Variants in KCNMB2 observed in about 807,000 individuals in gnomAD.
The protein encoded by KCNMB2 is potassium calcium-activated channel subfamily M regulatory beta subunit 2.
A neutral mutation model predicts 24.5 loss-of-function variants in KCNMB2; 9 were observed. The observed-to-expected ratio is 0.37, with a 90% CI of 0.22 to 0.64. The LOEUF is 0.64. KCNMB2 is among the 30% of genes least tolerant of loss of function. The pLI is 0.63. For synonymous variants in KCNMB2, 109 were observed against 104.4 expected, an observed-to-expected ratio of 1.04 and a Z score of -0.27; for missense variants, 226 against 284.3, an observed-to-expected ratio of 0.79 and a Z score of 1.47.
At chr3:178,821,108 C>T (rs1242319077) in intron 2 of KCNMB2, among the ~76,000 whole-genome samples, 2 of 152,216 alleles carry the variant, frequency 1.3e-5, no homozygotes, top group African/African-American at 2.4e-5. Context: ...GAGCTCTCCA[C>T]ATCAGTGAAT....
chr3:178,671,005 G>A (rs113528160), intron 1 of KCNMB2, among the ~76,000 whole-genome samples: 1 of 152,112 alleles, frequency 6.6e-6, no homozygotes, highest in African/African-American at 2.4e-5. Flanking sequence ...AATACAACTG[G>A]TTCTAGAATA....
intron 1 of KCNMB2, among the ~76,000 whole-genome samples, chr3:178,572,215 T>C (rs1233831426): frequency 6.6e-6 from 1 of 152,120 alleles, no homozygotes; most frequent in African/African-American, 2.4e-5. Flanking sequence ...GACAGTTTAG[T>C]ATAGAGAGAA....
At chr3:178,544,269 T>C (rs555829600) in intron 1 of KCNMB2, among the ~76,000 whole-genome samples, 1 of 152,306 alleles carries the variant, frequency 6.6e-6, no homozygotes, top group South Asian at 2.1e-4. Context: ...CTCATTCACC[T>C]GTCCTCTCAC....
chr3:178,640,734 T>C (rs552056026), intron 1 of KCNMB2, among the ~76,000 whole-genome samples: 3 of 152,312 alleles, frequency 2.0e-5, no homozygotes, highest in African/African-American at 7.2e-5. Context: ...CTCTCATAGA[T>C]TGTGCTTTGG....
chr3:178,579,377 G>C (rs533361699), intron 1 of KCNMB2, among the ~76,000 whole-genome samples: 161 of 152,256 alleles, frequency 1.1e-3, no homozygotes, highest in Admixed American at 1.8e-3. Context: ...GCAGTGTTTA[G>C]AGGGAAATTT....
intron 1 of KCNMB2, among the ~76,000 whole-genome samples, chr3:178,549,313 T>C (rs1440954527): frequency 1.3e-5 from 2 of 149,648 alleles, no homozygotes; most frequent in Non-Finnish European, 3.0e-5. Flanking sequence ...TATTTTCTTT[T>C]TTTTTTTTTT....
At chr3:178,652,410 T>C (rs1233956992) in intron 1 of KCNMB2, among the ~76,000 whole-genome samples, 1 of 151,886 alleles carries the variant, frequency 6.6e-6, no homozygotes, top group Non-Finnish European at 1.5e-5. Flanking sequence ...GGCATGTGTA[T>C]ACCTATGTAA....
At chr3:178,839,791 G>A (rs1270521998) in intron 4 of KCNMB2, among the ~76,000 whole-genome samples, 1 of 152,134 alleles carries the variant, frequency 6.6e-6, no homozygotes, top group Non-Finnish European at 1.5e-5. Context: ...CCTCCCACCA[G>A]GTCCTTCCCT....
chr3:178,613,480 A>G (rs1718568963), intron 1 of KCNMB2, among the ~76,000 whole-genome samples: 1 of 152,104 alleles, frequency 6.6e-6, no homozygotes, highest in Non-Finnish European at 1.5e-5. Context: ...TTTATTTCTG[A>G]TTGAAGTATT....
At chr3:178,812,313 TG>T (rs1367946000) in intron 2 of KCNMB2, among the ~76,000 whole-genome samples, 1 of 151,760 alleles carries the variant, frequency 6.6e-6, no homozygotes, top group Non-Finnish European at 1.5e-5. Flanking sequence ...TGTATACAGG[TG>T]CCATGATGGT....
chr3:178,841,158 A>G (rs1037671727), intron 4 of KCNMB2, among the ~76,000 whole-genome samples: 2 of 152,210 alleles, frequency 1.3e-5, no homozygotes, highest in African/African-American at 4.8e-5. Flanking sequence ...TATGGCAGGG[A>G]CAAAATGCTG....
intron 1 of KCNMB2, among the ~76,000 whole-genome samples, chr3:178,807,047 G>C (rs758792431): frequency 6.6e-6 from 1 of 152,162 alleles, no homozygotes; most frequent in African/African-American, 2.4e-5. Context: ...TTTTGAAGGA[G>C]ATACTTTTGG....
At position 178,802,926 on chromosome 3, in the gene KCNMB2, G is replaced by A. The variant is rs1025376799; in HGVS notation, c.-67-4417G>A. On this transcript the variant is annotated intron_variant, in intron 1 of 4. Coordinates refer to ENST00000452583, the MANE Select transcript of KCNMB2 (RefSeq NM_181361.3). ...TGTACAAGTACAAAGTGACTTAATC[G>A]AATTTTTTTACAAAAAGAGAAAATT... is the stretch of plus-strand genomic sequence containing the variant. Among the ~76,000 whole-genome samples the A allele has an allele frequency of 3.9e-5, 6 of 152,120 alleles. No homozygotes were observed. In the South Asian group the frequency reaches 6.2e-4, roughly 16 times the overall value.
intron 1 of KCNMB2, among the ~76,000 whole-genome samples, chr3:178,643,703 C>A (rs1427749911): frequency 6.6e-6 from 1 of 152,144 alleles, no homozygotes; most frequent in Non-Finnish European, 1.5e-5. Context: ...CATAGAAATG[C>A]CCCAAATTTC....
chr3:178,735,230 C>A (rs552023658), intron 1 of KCNMB2, among the ~76,000 whole-genome samples: 1 of 152,354 alleles, frequency 6.6e-6, no homozygotes, highest in South Asian at 2.1e-4. Context: ...TGGGCAGCAT[C>A]CAGTCTGCCA....
chr3:178,644,596 T>C (rs1176081490), intron 1 of KCNMB2, among the ~76,000 whole-genome samples: 1 of 152,220 alleles, frequency 6.6e-6, no homozygotes, highest in Non-Finnish European at 1.5e-5. Context: ...TAAGCTCCAA[T>C]GTGTTCACAG....
intron 1 of KCNMB2, among the ~76,000 whole-genome samples, chr3:178,660,298 C>T (rs928399767): frequency 1.3e-5 from 2 of 152,186 alleles, no homozygotes; most frequent in African/African-American, 4.8e-5. Flanking sequence ...AGGCATTCAA[C>T]TGAAAATAGT....
intron 2 of KCNMB2, among the ~76,000 whole-genome samples, chr3:178,808,514 T>A (rs189674064): frequency 6.6e-6 from 1 of 152,302 alleles, no homozygotes; most frequent in East Asian, 1.9e-4. Flanking sequence ...CTGAATACTG[T>A]TTTCAGAGCT....
intron 4 of KCNMB2, among the ~76,000 whole-genome samples, chr3:178,828,934 T>C (rs1201505939): frequency 4.0e-5 from 2 of 49,862 alleles, no homozygotes; most frequent in East Asian, 4.5e-4. Context: ...ACTGTGTGTG[T>C]GTGTGTGTGT....
Sources: allele counts gnomAD v4.1 joint callset (sites outside exome capture counted in the v4.1 genomes callset), GRCh38; gene constraint gnomAD v4.1.1; transcripts MANE v1.5; gene names NCBI Gene and HGNC (gene_info 2026-07-23, HGNC 2026-07-21).